Variants in MOB3B observed in about 807,000 individuals in gnomAD.
MOB3B encodes the protein MOB kinase activator-like 2B.
In MOB3B, 7 loss-of-function variants were observed where a neutral mutation model predicts 18.7. The ratio of observed to expected loss-of-function variants is 0.37; its 90% CI spans 0.21 to 0.70. MOB3B has a LOEUF of 0.70. Among genes scored for constraint, MOB3B ranks in the 30% least tolerant of loss-of-function variants. The pLI is 0.52. For missense variants in MOB3B, 253 were observed against 281.3 expected, an observed-to-expected ratio of 0.90 and a Z score of 0.72; for synonymous variants, 111 against 99.9, an observed-to-expected ratio of 1.11 and a Z score of -0.66.
chr9:27,429,999 C>T (rs1434859880), intron 2 of MOB3B, among the ~76,000 whole-genome samples: 2 of 152,192 alleles, frequency 1.3e-5, no homozygotes, highest in African/African-American at 2.4e-5. Flanking sequence ...TATGGAGGCC[C>T]TTTGCTCCAA....
At chr9:27,457,297 G>A (rs1354644390) in intron 1 of MOB3B, among the ~76,000 whole-genome samples, 1 of 152,232 alleles carries the variant, frequency 6.6e-6, no homozygotes, top group East Asian at 1.9e-4. Context: ...GAAATAGAGA[G>A]GAGATAACTG....
At chr9:27,490,644 G>A (rs1382230330) in intron 1 of MOB3B, among the ~76,000 whole-genome samples, 2 of 152,148 alleles carry the variant, frequency 1.3e-5, no homozygotes, top group African/African-American at 4.8e-5. Context: ...TGGGAGTAAG[G>A]AGTGGGAGAG....
intron 1 of MOB3B, among the ~76,000 whole-genome samples, chr9:27,506,489 T>C (rs991584984): frequency 8.5e-5 from 13 of 152,142 alleles, no homozygotes; most frequent in African/African-American, 2.9e-4. Context: ...ATATTCTGTA[T>C]GGTAGGCACT....
intron 1 of MOB3B, among the ~76,000 whole-genome samples, chr9:27,525,682 G>C (rs529402115): frequency 3.6e-4 from 55 of 151,634 alleles, no homozygotes; most frequent in African/African-American, 1.3e-3. Flanking sequence ...ACATCTAAAG[G>C]CATGGAAAAT....
intron 3 of MOB3B, among the ~76,000 whole-genome samples, chr9:27,357,144 A>ATATGTG (rs1486801059): frequency 1.2e-5 from 1 of 80,972 alleles, no homozygotes; most frequent in African/African-American, 4.2e-5. Context: ...ATATATATAT[A>ATATGTG]TGTGTTTTTT....
At chr9:27,369,856 T>C (rs1399718123) in intron 2 of MOB3B, among the ~76,000 whole-genome samples, 1 of 151,888 alleles carries the variant, frequency 6.6e-6, no homozygotes, top group East Asian at 1.9e-4. Flanking sequence ...CCTGGCCACC[T>C]CACCCTCAGT....
chr9:27,404,843 G>A (rs1021812087), intron 2 of MOB3B, among the ~76,000 whole-genome samples: 1 of 152,060 alleles, frequency 6.6e-6, no homozygotes, highest in Non-Finnish European at 1.5e-5. Context: ...CTTCTGTACT[G>A]TTCTCCATAG....
chr9:27,359,575 C>T (rs1181053805), intron 2 of MOB3B, among the ~76,000 whole-genome samples: 1 of 152,132 alleles, frequency 6.6e-6, no homozygotes, highest in African/African-American at 2.4e-5. Context: ...TAGCAATTAA[C>T]TTGAAGTTTT....
At chr9:27,380,503 CTGGGA>C (rs1821561565) in intron 2 of MOB3B, among the ~76,000 whole-genome samples, 1 of 152,134 alleles carries the variant, frequency 6.6e-6, no homozygotes, top group Non-Finnish European at 1.5e-5. Flanking sequence ...TCCCAAAGTG[CTGGGA>C]TCACAGGTGT....
chr9:27,506,287 T>G (rs999815146), intron 1 of MOB3B, among the ~76,000 whole-genome samples: 1 of 152,216 alleles, frequency 6.6e-6, no homozygotes, highest in Admixed American at 6.5e-5. Flanking sequence ...TTTTAATTCA[T>G]GTTTAACATA....
chr9:27,471,525 C>A (rs1193034639), intron 1 of MOB3B, among the ~76,000 whole-genome samples: 1 of 152,148 alleles, frequency 6.6e-6, no homozygotes, highest in Non-Finnish European at 1.5e-5. Flanking sequence ...GATTTTGACT[C>A]CCAAATCTAC....
chr9:27,494,257 T>C (rs2131489735), intron 1 of MOB3B, among the ~76,000 whole-genome samples: 1 of 152,328 alleles, frequency 6.6e-6, no homozygotes, highest in African/African-American at 2.4e-5. Context: ...CCTGGTCCTG[T>C]GGTCCTATGA....
chr9:27,427,311 C>T (rs998033717), intron 2 of MOB3B, among the ~76,000 whole-genome samples: 2 of 152,224 alleles, frequency 1.3e-5, no homozygotes, highest in Non-Finnish European at 2.9e-5. Context: ...TCCCAAAGAG[C>T]ATCTGGTTAC....
chr9:27,415,185 T>C (rs920835733), intron 2 of MOB3B, among the ~76,000 whole-genome samples: 9 of 152,144 alleles, frequency 5.9e-5, no homozygotes, highest in Admixed American at 3.3e-4. Flanking sequence ...TAAAATCCTA[T>C]GGAATAAAGG....
At chr9:27,357,103 G>T in intron 3 of MOB3B, among the ~76,000 whole-genome samples, 1 of 85,550 alleles carries the variant, frequency 1.2e-5, no homozygotes, top group Non-Finnish European at 2.6e-5. Flanking sequence ...CTTTGTTCCA[G>T]GACTACTGAG....
In MOB3B at chr9:27,495,198, G is replaced by T. The variant is rs1394650169; in HGVS notation, c.-199+34357C>A. 2.0e-5 allele frequency among the ~76,000 whole-genome samples: 3 copies of T among 152,148 alleles called. No homozygotes were observed. The East Asian group carries it at 5.8e-4, about 30-fold the overall frequency. On this transcript the variant is annotated intron_variant, in intron 1 of 3. Transcript: ENST00000262244. ...TTTTAAAAATCAGCTGGGCACAGTG[G>T]CATACACCTACAGTCTCAGCTATTC... is the stretch of plus-strand genomic sequence containing the variant.
At chr9:27,487,743 A>G (rs58684372) in intron 1 of MOB3B, among the ~76,000 whole-genome samples, 3,868 of 152,264 alleles carry the variant, frequency 0.025, 147 homozygotes, top group African/African-American at 0.087. Flanking sequence ...GTATGCCATT[A>G]AAATGACTCA....
At chr9:27,443,978 A>G (rs761460494) in intron 2 of MOB3B, among the ~76,000 whole-genome samples, 30 of 152,164 alleles carry the variant, frequency 2.0e-4, no homozygotes, top group Non-Finnish European at 3.8e-4. Flanking sequence ...AATCAACCAC[A>G]GCATGTTCTC....
At chr9:27,449,343 T>G (rs1822746454) in intron 2 of MOB3B, among the ~76,000 whole-genome samples, 1 of 152,242 alleles carries the variant, frequency 6.6e-6, no homozygotes, top group South Asian at 2.1e-4. Flanking sequence ...AAAAGAAATG[T>G]ATACTGAGAG....
Sources: allele counts gnomAD v4.1 joint callset (sites outside exome capture counted in the v4.1 genomes callset), GRCh38; gene constraint gnomAD v4.1.1; transcripts MANE v1.5; gene names NCBI Gene and HGNC (gene_info 2026-07-23, HGNC 2026-07-21).